Variants in DOCK4 observed in about 807,000 individuals in gnomAD.
The protein encoded by DOCK4 is dedicator of cytokinesis protein 4.
A neutral mutation model predicts 268.1 loss-of-function variants in DOCK4; 97 were observed. That is an observed-to-expected ratio of 0.36 (90% CI 0.31 to 0.43). The LOEUF is 0.43. DOCK4 is among the 20% of genes least tolerant of loss of function. DOCK4 has a pLI of 1.00. For synonymous variants in DOCK4, 954 were observed against 887.2 expected (o/e 1.08, Z -1.34); for missense variants, 2,145 against 2,455.7 (o/e 0.87, Z 2.67).
intron 1 of DOCK4, among the ~76,000 whole-genome samples, chr7:112,104,564 C>T (rs1482588387): frequency 2.0e-5 from 3 of 152,172 alleles, no homozygotes; most frequent in Admixed American, 6.5e-5. Flanking sequence ...TTCTGAGAAT[C>T]AGTTTTCAGA....
At chr7:112,163,314 T>C (rs901310610) in intron 1 of DOCK4, among the ~76,000 whole-genome samples, 4 of 151,722 alleles carry the variant, frequency 2.6e-5, no homozygotes, top group African/African-American at 9.7e-5. Flanking sequence ...GTGCACAGCA[T>C]GCTCCACTCT....
At chr7:112,110,373 T>TA (rs2115676334) in intron 1 of DOCK4, among the ~76,000 whole-genome samples, 1 of 152,316 alleles carries the variant, frequency 6.6e-6, no homozygotes, top group Admixed American at 6.5e-5. Context: ...TCCAGGGTGA[T>TA]ATATTTATAG....
intron 1 of DOCK4, among the ~76,000 whole-genome samples, chr7:112,149,189 G>A (rs558135750): frequency 6.6e-6 from 1 of 152,300 alleles, no homozygotes; most frequent in South Asian, 2.1e-4. Context: ...TGGTGCAACT[G>A]CGCGGCCCTT....
At chr7:112,159,939 C>T (rs973391718) in intron 1 of DOCK4, among the ~76,000 whole-genome samples, 6 of 149,286 alleles carry the variant, frequency 4.0e-5, no homozygotes, top group Admixed American at 1.3e-4. Flanking sequence ...ATCCCAAATC[C>T]CAAAACCCAA....
At position 111,734,961 on chromosome 7, in the gene DOCK4, C is replaced by T. The variant is rs574298098; in HGVS notation, c.5419+93G>A. ...TAAGGTTTTTATCCCAGAAATCAAA[C>T]GCCTACCTTTCTCTCAGGAATTCAG... On this transcript the variant is annotated intron_variant, in intron 51 of 52. Coordinates refer to ENST00000428084, the MANE Select transcript of DOCK4 (RefSeq NM_001363540.2). 1.0e-4 allele frequency: 100 copies of T among 987,436 alleles called. 1 individual carries two copies. Among genetic ancestry groups the T allele is most frequent in the Middle Eastern group, 2.6e-4 (1 of 3,790 alleles). 61.2% of individuals were successfully genotyped at this position (987,436 alleles called of 1,614,324 possible).
At position 111,958,151 on chromosome 7, in the gene DOCK4, C is replaced by G. The variant is rs1430531395; in HGVS notation, c.702-12353G>C. Among the ~76,000 whole-genome samples the G allele has an allele frequency of 2.6e-5, 4 of 152,250 alleles. No individual in the cohort carries two copies. The South Asian group carries it at 8.3e-4, about 32-fold the overall frequency. On this transcript the variant is annotated intron_variant, in intron 8 of 52. Coordinates refer to ENST00000428084, the MANE Select transcript of DOCK4 (RefSeq NM_001363540.2). ...ATAGCATGATCTCTTAATGCTTTGCCTCAACAACAATCTAAGACTTGTAAG... is the reference window on the plus strand; with the variant it reads ...ATAGCATGATCTCTTAATGCTTTGCGTCAACAACAATCTAAGACTTGTAAG...
chr7:112,086,047 G>A lies in DOCK4; in HGVS notation c.38-81916C>T, dbSNP rs553167122. On this transcript the variant is annotated intron_variant, in intron 1 of 52. Coordinates refer to ENST00000428084, the MANE Select transcript of DOCK4 (RefSeq NM_001363540.2). ...TGACAATTTGGTTAAAAAAATCCTC[G>A]GAAATGTATACTGGAGTATTTTGAG... is the stretch of plus-strand genomic sequence containing the variant. 1.1e-4 allele frequency among the ~76,000 whole-genome samples: 17 copies of A among 152,026 alleles called. 2 individuals are homozygous for A. Among genetic ancestry groups the A allele is most frequent in the African/African-American group, 3.6e-4 (15 of 41,464 alleles).
chr7:111,730,867 G>A (rs931857378), intron 52 of DOCK4, among the ~76,000 whole-genome samples: 1 of 152,202 alleles, frequency 6.6e-6, no homozygotes. Flanking sequence ...AGCTTGCTAA[G>A]ACTATTTTAT....
Position 112,088,942 on chromosome 7 carries a change from C to T in DOCK4, c.38-84811G>A, listed in dbSNP as rs1039650897. 1.3e-5 allele frequency among the ~76,000 whole-genome samples: 2 copies of T among 152,058 alleles called. 1 individual carries two copies. The highest frequency in any genetic ancestry group is 4.1e-4 in the South Asian group (2 of 4,834). On this transcript the variant is annotated intron_variant, in intron 1 of 52. Coordinates refer to ENST00000428084, the MANE Select transcript of DOCK4 (RefSeq NM_001363540.2). The stretch of plus-strand genomic sequence containing the variant: ...AGTAACAGCTGGCAGGCAGTAAGTG[C>T]TCAATACGTTGTCAATGCTTGTTTT...
intron 1 of DOCK4, among the ~76,000 whole-genome samples, chr7:112,077,923 A>G (rs1038196705): frequency 6.6e-6 from 1 of 152,148 alleles, no homozygotes. Context: ...GCGGTCCCAG[A>G]AAGAGAATAA....
intron 42 of DOCK4, 144 bp from the exon 43 acceptor site, chr7:111,747,587 C>T: frequency 3.8e-6 from 3 of 784,878 alleles, no homozygotes; most frequent in African/African-American, 1.7e-5. Flanking sequence ...GTAGAATAGA[C>T]AAGGATGTGG....
At chr7:111,752,519 A>T (rs1020267007) in intron 42 of DOCK4, among the ~76,000 whole-genome samples, 5 of 149,948 alleles carry the variant, frequency 3.3e-5, no homozygotes, top group African/African-American at 1.2e-4. Flanking sequence ...TTAAAAAATC[A>T]TTTATGGATT....
At chr7:112,133,849 C>G (rs1430958180) in intron 1 of DOCK4, among the ~76,000 whole-genome samples, 1 of 152,146 alleles carries the variant, frequency 6.6e-6, no homozygotes, top group Non-Finnish European at 1.5e-5. Flanking sequence ...ATTAAGTGAA[C>G]CAGTGTTTCT....
intron 1 of DOCK4, among the ~76,000 whole-genome samples, chr7:112,103,575 T>C (rs1421881837): frequency 1.3e-5 from 2 of 152,142 alleles, no homozygotes; most frequent in African/African-American, 4.8e-5. Context: ...AGATGATCTA[T>C]ATAGAATTTT....
At chr7:112,157,844 T>A (rs1305040456) in intron 1 of DOCK4, among the ~76,000 whole-genome samples, 2 of 152,126 alleles carry the variant, frequency 1.3e-5, no homozygotes, top group East Asian at 3.8e-4. Context: ...TCCTAAAGGA[T>A]TTGGACTTGA....
At chr7:111,816,275 T>G (rs1801546108) in intron 27 of DOCK4, among the ~76,000 whole-genome samples, 2 of 152,186 alleles carry the variant, frequency 1.3e-5, no homozygotes, top group Non-Finnish European at 2.9e-5. Context: ...AAACTGGGTC[T>G]TGACAATATT....
chr7:111,778,005 T>G (rs1331261894), intron 36 of DOCK4, among the ~76,000 whole-genome samples: 1 of 152,148 alleles, frequency 6.6e-6, no homozygotes, highest in Non-Finnish European at 1.5e-5. Flanking sequence ...ATCCTAACTA[T>G]AAGCAGACTG....
chr7:112,156,516 C>T (rs772917860), intron 1 of DOCK4, among the ~76,000 whole-genome samples: 13 of 152,132 alleles, frequency 8.5e-5, no homozygotes, highest in Non-Finnish European at 1.5e-4. Flanking sequence ...TCTTATCTTA[C>T]CAAGCATGAC....
At chr7:111,852,297 G>A (rs1804639420) in intron 23 of DOCK4, among the ~76,000 whole-genome samples, 1 of 151,818 alleles carries the variant, frequency 6.6e-6, no homozygotes, top group Admixed American at 6.6e-5. Context: ...CCTGCCACTG[G>A]GTTACCAAAA....
Sources: allele counts gnomAD v4.1 joint callset (sites outside exome capture counted in the v4.1 genomes callset), GRCh38; gene constraint gnomAD v4.1.1; transcripts MANE v1.5; gene names NCBI Gene and HGNC (gene_info 2026-07-23, HGNC 2026-07-21).